Variants in DPP6 observed in about 807,000 individuals in gnomAD.
DPP6 encodes A-type potassium channel modulatory protein DPP6.
DPP6 carries 69 observed loss-of-function variants against 122.6 expected under a neutral mutation model. The observed-to-expected ratio is 0.56, with a 90% CI of 0.46 to 0.69. The LOEUF is 0.69. Ranked by LOEUF, DPP6 falls within the 30% of genes least tolerant of loss-of-function variation. The probability of loss-of-function intolerance (pLI) is 0.00; values close to 1 mark genes in which losing one functional copy is unlikely to be tolerated. For synonymous variants in DPP6, 418 were observed against 433.1 expected (o/e 0.97, Z 0.43); for missense variants, 928 against 1,116.9 (o/e 0.83, Z 2.41).
intron 16 of DPP6, among the ~76,000 whole-genome samples, chr7:154,848,358 G>C (rs889229757): frequency 1.3e-5 from 2 of 151,892 alleles, no homozygotes; most frequent in Non-Finnish European, 2.9e-5. Flanking sequence ...CTTTATAATA[G>C]CCATTCTCAC....
chr7:154,573,740 C>T (rs1253262684), intron 5 of DPP6, among the ~76,000 whole-genome samples: 4 of 152,234 alleles, frequency 2.6e-5, no homozygotes, highest in African/African-American at 9.6e-5. Flanking sequence ...TCACATAGCT[C>T]TTAGCACAAT....
chr7:154,296,505 G>C (rs987464315), intron 1 of DPP6, among the ~76,000 whole-genome samples: 1 of 152,202 alleles, frequency 6.6e-6, no homozygotes, highest in African/African-American at 2.4e-5. Context: ...TTCCCAGGCA[G>C]CTGGACACAT....
At chr7:153,866,417 T>G in the DPP6 span, among the ~76,000 whole-genome samples, 3 of 152,224 alleles carry the variant, frequency 2.0e-5, no homozygotes, top group African/African-American at 7.2e-5. Context: ...TGATGAGCAT[T>G]TTTTCATGTG....
chr7:154,288,485 C>G (rs1804995541), intron 1 of DPP6, among the ~76,000 whole-genome samples: 1 of 152,232 alleles, frequency 6.6e-6, no homozygotes, highest in Non-Finnish European at 1.5e-5. Flanking sequence ...AGTGCAATCT[C>G]TCTGCACATC....
At chr7:154,380,957 T>C (rs1813545248) in intron 1 of DPP6, among the ~76,000 whole-genome samples, 1 of 152,188 alleles carries the variant, frequency 6.6e-6, no homozygotes, top group East Asian at 1.9e-4. Flanking sequence ...GCTGGAGGCT[T>C]CCAGAAATGA....
intron 1 of DPP6, among the ~76,000 whole-genome samples, chr7:153,973,580 G>GT (rs1422435597): frequency 1.3e-5 from 2 of 151,942 alleles, no homozygotes; most frequent in Non-Finnish European, 2.9e-5. Context: ...AGCAACAGGG[G>GT]TGGGAGTCTG....
intron 16 of DPP6, chr7:154,838,855 G>T (rs758279991): frequency 4.6e-5 from 7 of 152,224 alleles, no homozygotes; most frequent in Non-Finnish European, 1.0e-4. Flanking sequence ...AGACTGGCGC[G>T]CAGGAATGCC....
rs1170020816 is a variant in DPP6 at position 154,794,218 on chromosome 7, G to A, written c.1260+16G>A. ...CTGCACGAAGGTACGCGGGGCTGTGGGGGTGGAGGGGAGACGGGTGAAGAA... is the reference window on the plus strand; with the variant it reads ...CTGCACGAAGGTACGCGGGGCTGTGAGGGTGGAGGGGAGACGGGTGAAGAA... On this transcript the variant is annotated intron_variant, in intron 11 of 25. Coordinates refer to ENST00000377770, the MANE Select transcript of DPP6 (RefSeq NM_130797.4). 6.3e-7 allele frequency: 1 copy of A among 1,594,418 alleles called. No individual in the cohort carries two copies. Among genetic ancestry groups the A allele is most frequent in the African/African-American group, 1.3e-5 (1 of 74,558 alleles).
chr7:154,238,133 G>A (rs751012973), intron 1 of DPP6, among the ~76,000 whole-genome samples: 8 of 152,200 alleles, frequency 5.3e-5, no homozygotes, highest in Non-Finnish European at 1.2e-4. Context: ...CCATCTGCCA[G>A]TGAGAGGAAA....
chr7:153,992,806 T>G (rs2533595), intron 1 of DPP6, among the ~76,000 whole-genome samples: 1 of 152,288 alleles, frequency 6.6e-6, no homozygotes, highest in Admixed American at 6.5e-5. Flanking sequence ...ACGTTTTTGT[T>G]TCCTTGCTTC....
At position 154,403,692 on chromosome 7, in the gene DPP6, C is replaced by T. The variant is rs1009649237; in HGVS notation, c.244-42522C>T. 1.3e-5 allele frequency among the ~76,000 whole-genome samples: 2 copies of T among 152,208 alleles called. No individual in the cohort carries two copies. Among genetic ancestry groups the T allele is most frequent in the Non-Finnish European group, 2.9e-5 (2 of 68,042 alleles). On this transcript the variant is annotated intron_variant, in intron 1 of 25. Transcript: ENST00000377770. The surrounding 1 kb of genome is among the most constrained non-coding windows in gnomAD (Gnocchi z 4.1). ...AGAGTGCCAGGGAGGCAGCAATCTG[C>T]AGGTTGCGTTCATGCCGTGACAGTC...
intron 1 of DPP6, among the ~76,000 whole-genome samples, chr7:154,172,402 A>G (rs1797580167): frequency 6.6e-6 from 1 of 152,198 alleles, no homozygotes; most frequent in South Asian, 2.1e-4. Context: ...AAAGGCAGGA[A>G]AACATTCCAG....
At chr7:154,250,489 G>C (rs1034030121) in intron 1 of DPP6, among the ~76,000 whole-genome samples, 1 of 151,950 alleles carries the variant, frequency 6.6e-6, no homozygotes, top group African/African-American at 2.4e-5. Flanking sequence ...GGCACGGTTG[G>C]CTTCATTTTC....
chr7:154,356,665 TG>T (rs1317439309), intron 1 of DPP6, among the ~76,000 whole-genome samples: 2 of 152,184 alleles, frequency 1.3e-5, no homozygotes, highest in Non-Finnish European at 2.9e-5. Flanking sequence ...CTGAATTCCA[TG>T]GGCTTCTCAA....
At chr7:154,522,677 A>G (rs200463298) in intron 3 of DPP6, among the ~76,000 whole-genome samples, 1 of 149,770 alleles carries the variant, frequency 6.7e-6, no homozygotes, top group East Asian at 1.9e-4. Context: ...GTAAACCAGA[A>G]AGCAGAAAAC....
chr7:154,227,962 G>A (rs767574321), intron 1 of DPP6, among the ~76,000 whole-genome samples: 2 of 152,068 alleles, frequency 1.3e-5, no homozygotes, highest in Non-Finnish European at 2.9e-5. Flanking sequence ...GAAAATCAGT[G>A]GATGAGAAAT....
chr7:154,330,667 G>C (rs1012128298), intron 1 of DPP6, among the ~76,000 whole-genome samples: 4 of 152,222 alleles, frequency 2.6e-5, no homozygotes, highest in Non-Finnish European at 5.9e-5. Flanking sequence ...CAGAGCGCCA[G>C]AGGCAACCGT....
chr7:154,058,238 G>GGA, intron 1 of DPP6: 1 of 147,828 alleles, frequency 6.8e-6, no homozygotes, highest in Middle Eastern at 3.6e-3. Flanking sequence ...CCCCATCGCA[G>GGA]GGGGGGAGGC....
At chr7:154,333,927 T>C (rs1039486841) in intron 1 of DPP6, among the ~76,000 whole-genome samples, 8 of 152,200 alleles carry the variant, frequency 5.3e-5, no homozygotes, top group Admixed American at 5.2e-4. Flanking sequence ...TCCAAATTAC[T>C]TAATATCATC....
Sources: allele counts gnomAD v4.1 joint callset (sites outside exome capture counted in the v4.1 genomes callset), GRCh38; gene constraint gnomAD v4.1.1; non-coding constraint Gnocchi (gnomAD v3.1); transcripts MANE v1.5; gene names NCBI Gene and HGNC (gene_info 2026-07-23, HGNC 2026-07-21).